DIAPH3: variants seen among roughly 807,000 people sequenced by gnomAD.
DIAPH3 encodes protein diaphanous homolog 3.
A neutral mutation model predicts 144.3 loss-of-function variants in DIAPH3; 117 were observed. The ratio of observed to expected loss-of-function variants is 0.81; its 90% CI spans 0.70 to 0.95. The LOEUF is 0.95. Among genes scored for constraint, DIAPH3 ranks in the 40% least tolerant of loss-of-function variants. DIAPH3 has a pLI of 0.00. For synonymous variants in DIAPH3, 519 were observed against 488.9 expected (o/e 1.06, Z -0.81); for missense variants, 1,421 against 1,412.7 (o/e 1.01, Z -0.09).
chr13:59,722,541 C>T (rs1396631522), intron 27 of DIAPH3, among the ~76,000 whole-genome samples: 1 of 152,178 alleles, frequency 6.6e-6, no homozygotes, highest in East Asian at 1.9e-4. Flanking sequence ...GGGTTTCTTG[C>T]AAGTGTGACT....
At chr13:59,787,481 C>T (rs2039096951) in intron 25 of DIAPH3, among the ~76,000 whole-genome samples, 1 of 151,980 alleles carries the variant, frequency 6.6e-6, no homozygotes, top group African/African-American at 2.4e-5. Context: ...TTTGTGAGGC[C>T]AAGGAGAGAG....
At position 59,774,334 on chromosome 13, in the gene DIAPH3, A is replaced by G; in HGVS notation, c.3260-86T>C. ...ACAGTATTAGACATACTTTTTTCCA[A>G]GGTTATGTATTTCTGGCAGCAAAGT... On this transcript the variant is annotated intron_variant, in intron 26 of 27. Coordinates refer to ENST00000400324, the MANE Select transcript of DIAPH3 (RefSeq NM_001042517.2). 3 of 1,144,914 alleles carry G rather than the reference A, an allele frequency of 2.6e-6. No individual in the cohort carries two copies. In the South Asian group the frequency reaches 4.2e-5, roughly 16 times the overall value. 70.9% of individuals were successfully genotyped at this position (1,144,914 alleles called of 1,614,324 possible).
At chr13:59,938,779 T>A (rs1310381205) in intron 17 of DIAPH3, among the ~76,000 whole-genome samples, 1 of 152,180 alleles carries the variant, frequency 6.6e-6, no homozygotes, top group Non-Finnish European at 1.5e-5. Flanking sequence ...AAAATGATAT[T>A]TTTAAAAATA....
chr13:60,110,265 T>C (rs372917103), intron 3 of DIAPH3, among the ~76,000 whole-genome samples: 1 of 152,324 alleles, frequency 6.6e-6, no homozygotes, highest in Non-Finnish European at 1.5e-5. Context: ...AGAACCTAGA[T>C]GCAAACTTTA....
intron 27 of DIAPH3, among the ~76,000 whole-genome samples, chr13:59,713,277 C>T (rs1256455539): frequency 1.3e-5 from 2 of 150,282 alleles, no homozygotes; most frequent in Admixed American, 1.3e-4. Flanking sequence ...TCACTATTTT[C>T]CCCAGGCCCG....
chr13:60,016,206 A>T, intron 5 of DIAPH3, 61 bp from the exon 6 acceptor site: 1 of 1,394,768 alleles, frequency 7.2e-7, no homozygotes, highest in Non-Finnish European at 1.0e-6. Flanking sequence ...TTATCATATT[A>T]TATACCTACA....
At chr13:59,827,240 C>T (rs905580803) in intron 24 of DIAPH3, among the ~76,000 whole-genome samples, 1 of 151,976 alleles carries the variant, frequency 6.6e-6, no homozygotes, top group Non-Finnish European at 1.5e-5. Flanking sequence ...TCAGAGTGAA[C>T]AGGCAACCTA....
intron 20 of DIAPH3, among the ~76,000 whole-genome samples, chr13:59,880,145 T>C (rs902306047): frequency 3.9e-5 from 6 of 152,142 alleles, no homozygotes; most frequent in African/African-American, 1.4e-4. Context: ...TCTAGGTTTC[T>C]CTACTGGGAA....
At chr13:59,700,561 T>A (rs1040432273) in intron 27 of DIAPH3, among the ~76,000 whole-genome samples, 6 of 152,204 alleles carry the variant, frequency 3.9e-5, no homozygotes, top group African/African-American at 1.4e-4. Context: ...TTCATGGGTA[T>A]GACGTAACTT....
chr13:59,682,085 T>C (rs573388806), intron 27 of DIAPH3, among the ~76,000 whole-genome samples: 2 of 152,336 alleles, frequency 1.3e-5, no homozygotes, highest in Non-Finnish European at 2.9e-5. Context: ...TACAGAGTAC[T>C]GTCCATACTT....
intron 17 of DIAPH3, 114 bp downstream of exon 17, chr13:59,969,830 T>TA (rs1218015979): frequency 1.6e-5 from 10 of 609,848 alleles, no homozygotes; most frequent in Non-Finnish European, 2.7e-5. Flanking sequence ...ATTAGGAATG[T>TA]AAAAATAACA....
At chr13:59,855,913 T>C (rs1429657432) in intron 22 of DIAPH3, among the ~76,000 whole-genome samples, 3 of 151,918 alleles carry the variant, frequency 2.0e-5, no homozygotes, top group African/African-American at 4.8e-5. Context: ...TATATATATA[T>C]ATGGATATAG....
rs778077172 is a variant in DIAPH3, at chr13:59,774,230, C to A, written c.3278G>T (p.Ser1093Ile). The A allele has an allele frequency of 1.4e-5, 23 of 1,612,634 alleles. No individual in the cohort carries two copies. In the Admixed American group the frequency reaches 1.7e-4, roughly 12 times the overall value. The change falls in exon 27 of 28, where the codon AGT becomes ATT. Residue 1093 changes from serine to isoleucine, a missense_variant. Coordinates refer to ENST00000400324, the MANE Select transcript of DIAPH3 (RefSeq NM_001042517.2). ...CAGAACAGGCCTCTGAGACATTGGA[C>A]TGAGACTCTGCCGAACATCTGTTAA... ...PMPKDVRQSL[S>I]PMSQRPVLKV...
chr13:59,879,549 G>A, intron 20 of DIAPH3, 81 bp from the exon 21 acceptor site: 1 of 1,581,576 alleles, frequency 6.3e-7, no homozygotes. Flanking sequence ...AATCTGGGAT[G>A]ATTTATTGGT....
At chr13:59,851,635 CTTTTTTTT>C (rs200870976) in intron 22 of DIAPH3, among the ~76,000 whole-genome samples, 7 of 112,390 alleles carry the variant, frequency 6.2e-5, no homozygotes, top group South Asian at 5.8e-4. Context: ...ATAGATGAAT[CTTTTTTTT>C]TTTTTTTTTT....
intron 20 of DIAPH3, among the ~76,000 whole-genome samples, chr13:59,898,134 C>CAA (rs34238599): frequency 0.057 from 4,109 of 72,138 alleles, 145 homozygotes; most frequent in Admixed American, 0.085. Context: ...GACTCTGCCT[C>CAA]AAAAAAAAAA....
At chr13:59,992,723 G>A in intron 9 of DIAPH3, 140 bp from the exon 10 acceptor site, 1 of 675,412 alleles carries the variant, frequency 1.5e-6, no homozygotes, top group Non-Finnish European at 2.6e-6. Context: ...ATTTCAGTCA[G>A]TTATAAACTA....
intron 4 of DIAPH3, among the ~76,000 whole-genome samples, chr13:60,083,080 A>C (rs1242300266): frequency 6.6e-6 from 1 of 152,064 alleles, no homozygotes; most frequent in East Asian, 1.9e-4. Context: ...GTCAACTGAT[A>C]CCAGGTCTAG....
Position 59,983,769 on chromosome 13 carries a change from C to G in DIAPH3, c.1480G>C (p.Asp494His). The G allele has an allele frequency of 6.4e-7, 1 of 1,572,010 alleles. No homozygotes were observed. Among genetic ancestry groups the G allele is most frequent in the Non-Finnish European group, 8.7e-7 (1 of 1,143,656 alleles). Reference protein sequence around the residue: ...RLDLDLTQFVDICIDQAKLEE... With the variant: ...RLDLDLTQFVHICIDQAKLEE... The stretch of plus-strand genomic sequence containing the variant: ...TTCTATTTAAATAATAAATACTCAC[C>G]TACAAACTGGGTTAAATCTAAATCT... Residue 494 changes from aspartate (D) to histidine (H), a missense_variant and splice_region_variant, in exon 13 of 28, where the codon GAC becomes CAC. Coordinates refer to ENST00000400324, the MANE Select transcript of DIAPH3 (RefSeq NM_001042517.2).
Sources: allele counts gnomAD v4.1 joint callset (sites outside exome capture counted in the v4.1 genomes callset), GRCh38; gene constraint gnomAD v4.1.1; transcripts MANE v1.5; gene names NCBI Gene and HGNC (gene_info 2026-07-23, HGNC 2026-07-21).